The following OSBPL8 variants were observed in gnomAD, a reference collection of about 807,000 sequenced individuals.
OSBPL8 encodes oxysterol binding protein like 8.
In OSBPL8, 59 loss-of-function variants were observed where a neutral mutation model predicts 125.5. That is an observed-to-expected ratio of 0.47 (90% CI 0.38 to 0.58). The LOEUF is 0.58. OSBPL8 is among the 20% of genes least tolerant of loss of function. OSBPL8 has a pLI of 0.00. For missense variants in OSBPL8, 758 were observed against 1,047.8 expected (o/e 0.72, Z 3.82); for synonymous variants, 330 against 338.9 (o/e 0.97, Z 0.29).
chr12:76,385,932 C>A, intron 14 of OSBPL8: 2 of 477,058 alleles, frequency 4.2e-6, no homozygotes, highest in Non-Finnish European at 6.2e-6. Flanking sequence ...GGGGGCATAG[C>A]AAAGGAAAAA....
chr12:76,365,494 C>T (rs1046748956), intron 21 of OSBPL8, among the ~76,000 whole-genome samples: 1 of 152,126 alleles, frequency 6.6e-6, no homozygotes, highest in Non-Finnish European at 1.5e-5. Flanking sequence ...TTCATTAGCT[C>T]CAGTAGCTTT....
chr12:76,441,939 T>A (rs1038346075), intron 4 of OSBPL8, among the ~76,000 whole-genome samples: 1 of 152,184 alleles, frequency 6.6e-6, no homozygotes, highest in Non-Finnish European at 1.5e-5. Context: ...TAAAACAGTA[T>A]AATTGATTGT....
chr12:76,522,180 G>T (rs939272975), intron 1 of OSBPL8, among the ~76,000 whole-genome samples: 6 of 151,996 alleles, frequency 3.9e-5, no homozygotes, highest in African/African-American at 1.4e-4. Context: ...GTGAATAAAT[G>T]AACCTGTCTT....
intron 21 of OSBPL8, among the ~76,000 whole-genome samples, chr12:76,360,237 G>T (rs1952146669): frequency 1.3e-5 from 2 of 152,310 alleles, no homozygotes; most frequent in South Asian, 2.1e-4. Context: ...TGGAAACAAA[G>T]GGGTCATAGG....
intron 2 of OSBPL8, among the ~76,000 whole-genome samples, chr12:76,462,664 A>AG (rs1017319493): frequency 9.2e-5 from 14 of 152,164 alleles, no homozygotes; most frequent in South Asian, 4.2e-4. Flanking sequence ...CATAAAAACT[A>AG]GGGGGGGAAA....
intron 1 of OSBPL8, among the ~76,000 whole-genome samples, chr12:76,544,529 GAAT>G (rs1460321042): frequency 6.6e-6 from 1 of 152,114 alleles, no homozygotes; most frequent in Non-Finnish European, 1.5e-5. Context: ...ATAAGTTCTA[GAAT>G]AATAATTTTA....
At chr12:76,513,438 A>G (rs1021975536) in intron 1 of OSBPL8, among the ~76,000 whole-genome samples, 44 of 152,248 alleles carry the variant, frequency 2.9e-4, no homozygotes, top group African/African-American at 1.1e-3. Context: ...GAGGCCTGTC[A>G]GATCCATTTG....
At chr12:76,437,236 A>G (rs1168035248) in intron 4 of OSBPL8, among the ~76,000 whole-genome samples, 1 of 152,226 alleles carries the variant, frequency 6.6e-6, no homozygotes, top group Non-Finnish European at 1.5e-5. Flanking sequence ...AAATGGTTCT[A>G]CCAATTATGC....
Position 76,386,671 on chromosome 12 carries a change from A to G in OSBPL8, c.1353-11T>C. 1 of 1,581,098 alleles carries G rather than the reference A, an allele frequency of 6.3e-7. No individual in the cohort carries two copies. Among genetic ancestry groups the G allele is most frequent in the Non-Finnish European group, 8.6e-7 (1 of 1,162,760 alleles). On this transcript the variant is annotated splice_polypyrimidine_tract_variant and intron_variant, in intron 12 of 23. Transcript: ENST00000261183. The stretch of plus-strand genomic sequence containing the variant: ...TCTTCAAGAGCTGCCCTAAAACACA[A>G]AACGGTAAACAAAAATTTTAAAAAA...
At chr12:76,359,731 T>C (rs1952124774) in intron 21 of OSBPL8, among the ~76,000 whole-genome samples, 1 of 152,164 alleles carries the variant, frequency 6.6e-6, no homozygotes, top group African/African-American at 2.4e-5. Context: ...ATGAGGAAGA[T>C]GCAAAAGTGG....
intron 1 of OSBPL8, among the ~76,000 whole-genome samples, chr12:76,519,573 G>A (rs1424235626): frequency 6.6e-6 from 1 of 152,022 alleles, no homozygotes; most frequent in Non-Finnish European, 1.5e-5. Context: ...GTATTATACT[G>A]TTCTTGCAGT....
chr12:76,547,104 G>A (rs1041588485), intron 1 of OSBPL8, among the ~76,000 whole-genome samples: 6 of 152,114 alleles, frequency 3.9e-5, no homozygotes, highest in South Asian at 2.1e-4. Context: ...GGAGAATTAC[G>A]ACTCCAATTA....
chr12:76,433,129 T>C (rs139498346), intron 4 of OSBPL8, among the ~76,000 whole-genome samples: 287 of 152,216 alleles, frequency 1.9e-3, no homozygotes, highest in Non-Finnish European at 1.0e-3. Context: ...TAATAAGCAA[T>C]AGAGAAAAGC....
At chr12:76,528,068 A>G (rs978778074) in intron 1 of OSBPL8, among the ~76,000 whole-genome samples, 9 of 152,190 alleles carry the variant, frequency 5.9e-5, no homozygotes, top group African/African-American at 2.2e-4. Flanking sequence ...CACACCTGTA[A>G]TCCCAGCACT....
At chr12:76,420,419 T>G (rs2136488096) in intron 4 of OSBPL8, among the ~76,000 whole-genome samples, 1 of 152,190 alleles carries the variant, frequency 6.6e-6, no homozygotes, top group Admixed American at 6.5e-5. Context: ...AAGAGATAGA[T>G]AATCAGATAT....
At chr12:76,407,243 C>T (rs1954300599) in intron 5 of OSBPL8, among the ~76,000 whole-genome samples, 1 of 152,090 alleles carries the variant, frequency 6.6e-6, no homozygotes, top group Non-Finnish European at 1.5e-5. Flanking sequence ...GTTGCATGCT[C>T]ATATATATAC....
intron 2 of OSBPL8, among the ~76,000 whole-genome samples, chr12:76,483,323 G>C (rs1877746139): frequency 6.6e-6 from 1 of 150,812 alleles, no homozygotes. Context: ...AGCACTTTGG[G>C]AGACTGAGGC....
At chr12:76,429,504 T>TCTATTCACAGGTTTGTGAATAGA (rs1216836169) in intron 4 of OSBPL8, among the ~76,000 whole-genome samples, 1 of 152,012 alleles carries the variant, frequency 6.6e-6, no homozygotes, top group African/African-American at 2.4e-5. Context: ...ATAACAACAA[T>TCTATTCACAGGTTTGTGAATAGA]CTATTCACAG....
At chr12:76,481,782 T>A (rs1877525272) in intron 2 of OSBPL8, among the ~76,000 whole-genome samples, 1 of 152,240 alleles carries the variant, frequency 6.6e-6, no homozygotes, top group Non-Finnish European at 1.5e-5. Context: ...TTAAAAACTG[T>A]GACCCACTCA....
Sources: gnomAD v4.1 joint callset for allele counts (sites outside exome capture counted in the v4.1 genomes callset) on GRCh38, gnomAD v4.1.1 for gene constraint, MANE v1.5 for transcripts, NCBI Gene and HGNC (gene_info 2026-07-23, HGNC 2026-07-21) for gene names.